Variants in PALMD observed in about 807,000 individuals in gnomAD.
The protein encoded by PALMD is palmdelphin.
In PALMD, 42 loss-of-function variants were observed where a neutral mutation model predicts 56.2. The observed-to-expected ratio is 0.75, with a 90% confidence interval of 0.58 to 0.97. The LOEUF (loss-of-function observed/expected upper bound fraction) is 0.97. Among genes scored for constraint, PALMD ranks in the 50% least tolerant of loss-of-function variants. PALMD has a pLI of 0.00. For missense variants in PALMD, 660 were observed against 643.8 expected (o/e 1.03, Z -0.27); for synonymous variants, 242 against 222.9 (o/e 1.09, Z -0.76).
rs1042155460 is a variant in PALMD, at chr1:99,694,156, TC to T, written c.*96del. 14 of 834,206 alleles carry T rather than the reference TC, an allele frequency of 1.7e-5. No homozygotes were observed. The African/African-American group carries it at 2.3e-4, about 13-fold the overall frequency. 51.7% of individuals were successfully genotyped at this position (834,206 alleles called of 1,614,324 possible). The stretch of plus-strand genomic sequence containing the variant: ...GATATTTTGTTTATTTTTTCTGAAG[TC>T]CAAAAAATTATCATTACAGTGTACC... On this transcript the variant is annotated 3_prime_UTR_variant, in exon 8 of 8. Transcript: ENST00000263174.
At chr1:99,671,533 G>A (rs1303462350) in intron 3 of PALMD, among the ~76,000 whole-genome samples, 2 of 152,142 alleles carry the variant, frequency 1.3e-5, no homozygotes, top group East Asian at 3.8e-4. Context: ...GAACAACACT[G>A]CACGGATCTT....
At chr1:99,686,126 A>C (rs1653489280) in intron 3 of PALMD, 1 of 152,052 alleles carries the variant, frequency 6.6e-6, no homozygotes, top group Admixed American at 6.6e-5. Flanking sequence ...CCTCCTCACT[A>C]TAATATGGCC....
At chr1:99,658,909 G>A (rs1411571652) in intron 1 of PALMD, among the ~76,000 whole-genome samples, 1 of 151,676 alleles carries the variant, frequency 6.6e-6, no homozygotes, top group Non-Finnish European at 1.5e-5. Flanking sequence ...TTATGCCACT[G>A]CACTCCAGCC....
chr1:99,686,390 T>G (rs1653495852), intron 3 of PALMD: 2 of 199,960 alleles, frequency 1.0e-5, no homozygotes, highest in South Asian at 1.9e-4. Context: ...GGAAATAACA[T>G]TAGTAATTGC....
intron 3 of PALMD, among the ~76,000 whole-genome samples, chr1:99,679,221 A>T (rs1008723041): frequency 1.3e-5 from 2 of 152,148 alleles, no homozygotes; most frequent in African/African-American, 2.4e-5. Flanking sequence ...CCAGTCATAA[A>T]CTTAATTTCA....
At chr1:99,653,734 A>C (rs1652649118) in intron 1 of PALMD, among the ~76,000 whole-genome samples, 1 of 151,902 alleles carries the variant, frequency 6.6e-6, no homozygotes, top group South Asian at 2.1e-4. Flanking sequence ...ATGGATCGAC[A>C]CCCCCCAAAA....
rs1325309921 is a variant in PALMD at position 99,683,042 on chromosome 1, AAGAAAGAAAGAAAGAGAG to A, written c.252-3630_252-3613del. 8.0e-4 allele frequency among the ~76,000 whole-genome samples: 13 copies of A among 16,254 alleles called. 1 individual carries two copies. Among genetic ancestry groups the A allele is most frequent in the African/African-American group, 5.8e-3 (13 of 2,230 alleles). The allele number at this position is 16,254 out of a possible 152,430, so 10.7% of individuals were successfully genotyped here. A position where few individuals can be genotyped will look rare whatever the true frequency, so the allele number is the denominator to read the frequency against. On this transcript the variant is annotated intron_variant, in intron 3 of 7. Coordinates refer to ENST00000263174, the MANE Select transcript of PALMD (RefSeq NM_017734.5). ...AAGGAAAGAAAGAAAGAAAGAAAGA[AAGAAAGAAAGAAAGAGAG>A]AGAGAGAGAGAGAGAGAGAGAGAGA...
At chr1:99,678,516 A>T (rs1405177259) in intron 3 of PALMD, among the ~76,000 whole-genome samples, 1 of 152,182 alleles carries the variant, frequency 6.6e-6, no homozygotes, top group Non-Finnish European at 1.5e-5. Flanking sequence ...TACTACTATT[A>T]TTCCCTAAAT....
chr1:99,664,811 A>G (rs1055982772), intron 2 of PALMD, among the ~76,000 whole-genome samples: 1 of 152,244 alleles, frequency 6.6e-6, no homozygotes, highest in South Asian at 2.1e-4. Context: ...CTGATTGCAA[A>G]CTAGTTCACT....
chr1:99,661,488 G>A lies in PALMD; in HGVS notation c.46-831G>A, dbSNP rs1190544031. On this transcript the variant is annotated intron_variant, in intron 1 of 7. Transcript: ENST00000263174. ...CTTTTACATATATCAGTTATTTAGT[G>A]CTCACATCTTATGAAGTAGGTGCTC... 2.6e-5 allele frequency among the ~76,000 whole-genome samples: 4 copies of A among 152,142 alleles called. No individual in the cohort carries two copies. The East Asian group carries it at 7.7e-4, about 29-fold the overall frequency.
At chr1:99,690,122 T>G (rs1180096919) in intron 7 of PALMD, 2 of 471,104 alleles carry the variant, frequency 4.2e-6, no homozygotes, top group South Asian at 5.7e-5. Flanking sequence ...TAACTTGAAT[T>G]TCATCTTCTA....
intron 3 of PALMD, among the ~76,000 whole-genome samples, chr1:99,679,453 AG>A (rs1653290256): frequency 3.3e-5 from 5 of 152,178 alleles, no homozygotes; most frequent in Non-Finnish European, 7.4e-5. Context: ...AGCAGCCAAA[AG>A]GAAAAAAAAA....
At chr1:99,666,567 A>T (rs1652964542) in intron 2 of PALMD, among the ~76,000 whole-genome samples, 1 of 152,202 alleles carries the variant, frequency 6.6e-6, no homozygotes, top group African/African-American at 2.4e-5. Flanking sequence ...AAGAGAAAGA[A>T]GTCCCAGAAA....
At chr1:99,654,179 T>C (rs1286451040) in intron 1 of PALMD, among the ~76,000 whole-genome samples, 2 of 152,174 alleles carry the variant, frequency 1.3e-5, no homozygotes, top group African/African-American at 4.8e-5. Context: ...CTCTCTAGTT[T>C]TCATCTTCAG....
chr1:99,654,787 T>TTTGG (rs1557667036), intron 1 of PALMD, among the ~76,000 whole-genome samples: 1 of 152,068 alleles, frequency 6.6e-6, no homozygotes, highest in Non-Finnish European at 1.5e-5. Context: ...TAGATTTTTG[T>TTTGG]TTGGTTGGTT....
chr1:99,657,262 C>A (rs1248721971), intron 1 of PALMD, among the ~76,000 whole-genome samples: 1 of 152,232 alleles, frequency 6.6e-6, no homozygotes, highest in Non-Finnish European at 1.5e-5. Flanking sequence ...ACATCTCAAA[C>A]TTGGCGAATC....
At position 99,686,773 on chromosome 1, in the gene PALMD, A is replaced by G. The variant is rs757535949; in HGVS notation, c.349A>G (p.Thr117Ala). ...GAAACTAAAGTCAATTGAGCGGACA[A>G]CAGAAGACATTATAAGAGTGAGCAT... is the stretch of plus-strand genomic sequence containing the variant. ...LKKLKSIERT[T>A]EDIIRSVKVE... The change falls in exon 4 of 8, where the codon ACA becomes GCA. Residue 117 changes from threonine to alanine, a missense_variant. Coordinates refer to ENST00000263174, the MANE Select transcript of PALMD (RefSeq NM_017734.5). 7 of 1,582,984 alleles carry G rather than the reference A, an allele frequency of 4.4e-6. No homozygotes were observed. The highest frequency in any genetic ancestry group is 1.7e-4 in the Middle Eastern group (1 of 6,014).
At chr1:99,663,112 T>C (rs1212023938) in intron 2 of PALMD, among the ~76,000 whole-genome samples, 1 of 152,154 alleles carries the variant, frequency 6.6e-6, no homozygotes, top group Non-Finnish European at 1.5e-5. Flanking sequence ...ATAGATTTAA[T>C]GAATCCCCTT....
chr1:99,646,281 G>A lies in PALMD; in HGVS notation c.-37G>A, dbSNP rs760081424. On this transcript the variant is annotated 5_prime_UTR_variant, in exon 1 of 8. Coordinates refer to ENST00000263174, the MANE Select transcript of PALMD (RefSeq NM_017734.5). The stretch of plus-strand genomic sequence containing the variant: ...GGCTCCTTGATTTATGGTAGCTTTG[G>A]ACTTGCTTCCCCGTCTGACTGTCCT... 1 of 1,591,192 alleles carries A rather than the reference G, an allele frequency of 6.3e-7. No individual in the cohort carries two copies. Among genetic ancestry groups the A allele is most frequent in the South Asian group, 1.1e-5 (1 of 90,626 alleles).
Sources: gnomAD v4.1 joint callset for allele counts (sites outside exome capture counted in the v4.1 genomes callset) on GRCh38, gnomAD v4.1.1 for gene constraint, MANE v1.5 for transcripts, NCBI Gene and HGNC (gene_info 2026-07-23, HGNC 2026-07-21) for gene names.